Variants in SLC25A51 observed in about 807,000 individuals in gnomAD.
SLC25A51 encodes the protein solute carrier family 25 member 51, also known as mitochondrial nicotinamide adenine dinucleotide transporter SLC25A51.
A neutral mutation model predicts 19.1 loss-of-function variants in SLC25A51; 11 were observed. The ratio of observed to expected loss-of-function variants is 0.58; its 90% CI spans 0.36 to 0.96. SLC25A51 has a LOEUF of 0.96. Among genes scored for constraint, SLC25A51 ranks in the 40% least tolerant of loss-of-function variants. The probability of loss-of-function intolerance (pLI) is 0.01; values close to 1 mark genes in which losing one functional copy is unlikely to be tolerated. For synonymous variants in SLC25A51, 105 were observed against 133.6 expected (o/e 0.79, Z 1.47); for missense variants, 201 against 365.4 (o/e 0.55, Z 3.67).
intron 1 of SLC25A51, among the ~76,000 whole-genome samples, chr9:37,900,745 T>A (rs949773965): frequency 6.6e-6 from 1 of 152,116 alleles, no homozygotes; most frequent in Non-Finnish European, 1.5e-5. Flanking sequence ...ACTTCTAACC[T>A]GTGTACTTAT....
intron 2 of SLC25A51, among the ~76,000 whole-genome samples, chr9:37,899,408 G>T (rs1211884373): frequency 1.3e-5 from 2 of 151,764 alleles, no homozygotes. Flanking sequence ...ACAAGACAGG[G>T]TCTCACTCTG....
At chr9:37,901,676 G>GA (rs1033728991) in intron 1 of SLC25A51, among the ~76,000 whole-genome samples, 23 of 151,634 alleles carry the variant, frequency 1.5e-4, no homozygotes, top group Admixed American at 1.4e-3. Flanking sequence ...AGATTAAAGG[G>GA]AAAAAAAAGG....
downstream of SLC25A51, chr9:37,885,628 C>A: frequency 1.2e-6 from 1 of 808,460 alleles, no homozygotes; most frequent in South Asian, 1.3e-5. Flanking sequence ...AATACGGCGC[C>A]CAACGTGGGC....
chr9:37,902,305 G>A (rs1036962206), intron 1 of SLC25A51, among the ~76,000 whole-genome samples: 1 of 152,160 alleles, frequency 6.6e-6, no homozygotes, highest in African/African-American at 2.4e-5. Context: ...TATTAAACAA[G>A]CAGAAAACTA....
chr9:37,878,461 T>A, downstream of SLC25A51: 1 of 200,492 alleles, frequency 5.0e-6, no homozygotes, highest in Non-Finnish European at 1.2e-5. Context: ...AGGAAGGATG[T>A]GAGTTTTGCC....
At chr9:37,881,235 C>T (rs1831343525) in intron 3 of SLC25A51, among the ~76,000 whole-genome samples, 1 of 151,728 alleles carries the variant, frequency 6.6e-6, no homozygotes, top group Non-Finnish European at 1.5e-5. Context: ...CACAAACATC[C>T]AGACCATGTA....
exon 4 of SLC25A51, chr9:37,879,714 T>A (rs1346281948): frequency 6.6e-6 from 1 of 151,422 alleles, no homozygotes; most frequent in African/African-American, 2.4e-5. Context: ...GTCCTGAGAG[T>A]GTAAGCCAGC....
At chr9:37,895,370 T>A (rs981429818) in intron 2 of SLC25A51, among the ~76,000 whole-genome samples, 1 of 151,742 alleles carries the variant, frequency 6.6e-6, no homozygotes, top group Non-Finnish European at 1.5e-5. Context: ...TTCGGCTTTT[T>A]TTTTTTTTTT....
At chr9:37,891,718 C>G (rs1240892473) in intron 2 of SLC25A51, among the ~76,000 whole-genome samples, 1 of 152,028 alleles carries the variant, frequency 6.6e-6, no homozygotes, top group Non-Finnish European at 1.5e-5. Context: ...ACAAACACTG[C>G]GGAAGGCCGC....
chr9:37,885,467 A>G (rs1459621875), downstream of SLC25A51, among the ~76,000 whole-genome samples: 1 of 151,934 alleles, frequency 6.6e-6, no homozygotes, highest in African/African-American at 2.4e-5. Context: ...TACGACACCA[A>G]CTTATATTTG....
rs1009625291 is a variant in SLC25A51 at position 37,889,177 on chromosome 9, C to T, written c.-42-585G>A. ...TAGACTAGTTCGTAATTACTGACTACACTATATACGGTATCTATCTATTGT... is the reference window on the plus strand; with the variant it reads ...TAGACTAGTTCGTAATTACTGACTATACTATATACGGTATCTATCTATTGT... On this transcript the variant is annotated intron_variant, in intron 2 of 2. Transcript: ENST00000242275. Among the ~76,000 whole-genome samples the T allele has an allele frequency of 7.2e-5, 11 of 152,268 alleles. 1 individual carries two copies. The highest frequency in any genetic ancestry group is 4.6e-4 in the Admixed American group (7 of 15,292).
At position 37,888,222 on chromosome 9, in the gene SLC25A51, T is replaced by C. The variant is rs3855763; in HGVS notation, c.329A>G (p.His110Arg). Residue 110 changes from histidine to arginine, a missense_variant, in exon 3 of 3, where the codon CAC becomes CGC. Coordinates refer to ENST00000242275, the MANE Select transcript of SLC25A51 (RefSeq NM_033412.4). Reference sequence around the variant, plus strand: ...AAACTCTGGAGCACTGACATGCTTGTGGAGAAGGCAGGATAAATCCTCATA... The same window carrying C: ...AAACTCTGGAGCACTGACATGCTTGCGGAGAAGGCAGGATAAATCCTCATA... The part of the protein sequence containing the change: ...GLYEDLSCLL[H>R]KHVSAPEFAT... 2.5e-6 allele frequency: 4 copies of C among 1,614,144 alleles called. No individual in the cohort carries two copies. The highest frequency in any genetic ancestry group is 1.1e-5 in the South Asian group (1 of 91,066).
chr9:37,881,979 G>A (rs892726220), intron 2 of SLC25A51, among the ~76,000 whole-genome samples: 7 of 152,066 alleles, frequency 4.6e-5, no homozygotes, highest in Non-Finnish European at 1.0e-4. Flanking sequence ...TAAACTCATA[G>A]GGTCATAAAA....
At position 37,888,288 on chromosome 9, in the gene SLC25A51, A is replaced by G. The variant is rs1293463597; in HGVS notation, c.263T>C (p.Leu88Ser). Reference protein sequence around the residue: ...RNLYRGILPPLMQKTTTLALM... With the variant: ...RNLYRGILPPSMQKTTTLALM... ...TGCAAGCGTAGTTGTCTTCTGCATC[A>G]ATGGGGGAAGGATTCCACGATACAA... The change falls in exon 3 of 3, where the codon TTG becomes TCG. Residue 88 changes from leucine (L) to serine (S), a missense_variant. Physicochemically the swap from Leu to Ser is moderately radical, Grantham distance 145. Coordinates refer to ENST00000242275, the MANE Select transcript of SLC25A51 (RefSeq NM_033412.4). 2.5e-6 allele frequency: 4 copies of G among 1,614,088 alleles called. No homozygotes were observed. Among genetic ancestry groups the G allele is most frequent in the Non-Finnish European group, 3.4e-6 (4 of 1,180,042 alleles).
At chr9:37,896,271 T>G (rs1467587786) in intron 2 of SLC25A51, among the ~76,000 whole-genome samples, 1 of 152,014 alleles carries the variant, frequency 6.6e-6, no homozygotes, top group East Asian at 1.9e-4. Flanking sequence ...TGCACTCCAT[T>G]CTTTTCCACA....
intron 2 of SLC25A51, among the ~76,000 whole-genome samples, chr9:37,891,727 G>A (rs1587162952): frequency 6.6e-6 from 1 of 152,038 alleles, no homozygotes; most frequent in Admixed American, 6.6e-5. Flanking sequence ...GCGGAAGGCC[G>A]CAGGGTCCTC....
At position 37,888,232 on chromosome 9, in the gene SLC25A51, A is replaced by G; in HGVS notation, c.319T>C (p.Cys107Arg). Reference protein sequence around the residue: ...LMFGLYEDLSCLLHKHVSAPE... With the variant: ...LMFGLYEDLSRLLHKHVSAPE... ...GCACTGACATGCTTGTGGAGAAGGC[A>G]GGATAAATCCTCATACAGACCAAAC... Residue 107 changes from cysteine (C) to arginine (R), a missense_variant, in exon 3 of 3, where the codon TGC (cysteine) becomes CGC (arginine). Physicochemically the swap from Cys to Arg is radical, Grantham distance 180. Transcript: ENST00000242275. 1.2e-6 allele frequency: 2 copies of G among 1,614,202 alleles called. No individual in the cohort carries two copies. The highest frequency in any genetic ancestry group is 3.3e-5 in the Admixed American group (2 of 60,024).
chr9:37,886,734 T>C (rs143466264), downstream of SLC25A51, among the ~76,000 whole-genome samples: 172 of 152,316 alleles, frequency 1.1e-3, no homozygotes, highest in Non-Finnish European at 1.8e-3. Context: ...TTATTCCTTC[T>C]TAGTCAACCT....
rs1831787363 is a variant in SLC25A51 at position 37,899,127 on chromosome 9, A to C, written c.-43+702T>G. ...CAATTAACTGAGCTAACAACATGTA[A>C]AGTGCCCAGGACAGCAGTCTAGTGT... On this transcript the variant is annotated intron_variant, in intron 2 of 2. Transcript: ENST00000242275. 1.1e-4 allele frequency among the ~76,000 whole-genome samples: 17 copies of C among 152,220 alleles called. 1 individual carries two copies. The highest frequency in any genetic ancestry group is 1.1e-3 in the Admixed American group (17 of 15,274).
Sources: gnomAD v4.1 joint callset for allele counts (sites outside exome capture counted in the v4.1 genomes callset) on GRCh38, gnomAD v4.1.1 for gene constraint, MANE v1.5 for transcripts, NCBI Gene and HGNC (gene_info 2026-07-23, HGNC 2026-07-21) for gene names.